CAAP1: variants seen among roughly 807,000 people sequenced by gnomAD.
CAAP1 encodes caspase activity and apoptosis inhibitor 1.
A neutral mutation model predicts 34.0 loss-of-function variants in CAAP1; 20 were observed. The ratio of observed to expected loss-of-function variants is 0.59; its 90% confidence interval spans 0.41 to 0.86. The LOEUF is 0.86. CAAP1 is among the 40% of genes least tolerant of loss of function. The pLI is 0.00. For synonymous variants in CAAP1, 213 were observed against 166.7 expected, an observed-to-expected ratio of 1.28 and a Z score of -2.14; for missense variants, 538 against 450.5, an observed-to-expected ratio of 1.19 and a Z score of -1.76.
chr9:26,887,540 T>A, intron 1 of CAAP1, 27 bp from the exon 2 acceptor site: 1 of 1,300,952 alleles, frequency 7.7e-7, no homozygotes, highest in Non-Finnish European at 1.1e-6. Context: ...AAAGAACCAT[T>A]AAACAATACT....
rs760313096 is a variant in CAAP1 at position 26,892,757 on chromosome 9, T to C, written c.-42A>G. The C allele has an allele frequency of 7.8e-6, 12 of 1,530,278 alleles. No homozygotes were observed. The highest frequency in any genetic ancestry group is 1.0e-5 in the Non-Finnish European group (12 of 1,143,016). The allele number at this position is 1,530,278 out of a possible 1,614,324, so 94.8% of individuals were successfully genotyped here. A position where few individuals can be genotyped will look rare whatever the true frequency, so the allele number is the denominator to read the frequency against. ...CCATCGGAGGAAAGTCCGCTGTCTC[T>C]GGTGCGACCGAAGCCCGACTCCTGC... is the stretch of plus-strand genomic sequence containing the variant. On this transcript the variant is annotated 5_prime_UTR_variant, in exon 1 of 6. Transcript: ENST00000333916.
chr9:26,886,066 C>T, intron 3 of CAAP1, 38 bp downstream of exon 3: 3 of 1,064,536 alleles, frequency 2.8e-6, no homozygotes, highest in Non-Finnish European at 2.7e-6. Flanking sequence ...ATAGTATTAA[C>T]TAAGAAGTTG....
intron 4 of CAAP1, among the ~76,000 whole-genome samples, chr9:26,869,465 T>C (rs1340837998): frequency 2.6e-5 from 4 of 152,190 alleles, no homozygotes; most frequent in African/African-American, 4.8e-5. Flanking sequence ...TAAACCATTG[T>C]TGACATTTCT....
At chr9:26,860,582 G>A (rs1052905072) in intron 5 of CAAP1, among the ~76,000 whole-genome samples, 1 of 152,070 alleles carries the variant, frequency 6.6e-6, no homozygotes. Flanking sequence ...CACAAGGTCA[G>A]GAGATCTAGA....
intron 5 of CAAP1, among the ~76,000 whole-genome samples, chr9:26,847,010 C>G (rs1046112110): frequency 6.6e-6 from 1 of 151,602 alleles, no homozygotes; most frequent in African/African-American, 2.4e-5. Context: ...CTTTTACTCC[C>G]CTTCCCAGAA....
At chr9:26,845,404 C>T (rs1473090715) in intron 5 of CAAP1, among the ~76,000 whole-genome samples, 1 of 152,122 alleles carries the variant, frequency 6.6e-6, no homozygotes, top group African/African-American at 2.4e-5. Context: ...TGAATATTTG[C>T]TTTTTCTGTC....
chr9:26,863,882 C>G (rs938713633), intron 4 of CAAP1, among the ~76,000 whole-genome samples: 1 of 151,892 alleles, frequency 6.6e-6, no homozygotes, highest in East Asian at 1.9e-4. Context: ...GCCTCGACTT[C>G]CTGTGCTCAA....
At chr9:26,883,955 T>C (rs1035673317) in intron 4 of CAAP1, among the ~76,000 whole-genome samples, 2 of 152,182 alleles carry the variant, frequency 1.3e-5, no homozygotes, top group East Asian at 3.8e-4. Flanking sequence ...TCCTACCCAA[T>C]AGCATTTATG....
chr9:26,859,653 T>C (rs1313199311), intron 5 of CAAP1, among the ~76,000 whole-genome samples: 1 of 152,198 alleles, frequency 6.6e-6, no homozygotes, highest in African/African-American at 2.4e-5. Context: ...GATTATATTA[T>C]ATAAAAATAA....
At position 26,878,471 on chromosome 9, in the gene CAAP1, T is replaced by C. The variant is rs143233003; in HGVS notation, c.665+6339A>G. On this transcript the variant is annotated intron_variant, in intron 4 of 5. Transcript: ENST00000333916. Reference sequence around the variant, plus strand: ...GTAAACCACTATACTTTGAGATATCTACTCCCCAGTTTTTTCAGGTTCTCC... The same window carrying C: ...GTAAACCACTATACTTTGAGATATCCACTCCCCAGTTTTTTCAGGTTCTCC... 3.7e-4 allele frequency among the ~76,000 whole-genome samples: 56 copies of C among 152,316 alleles called. 2 individuals are homozygous for C. The East Asian group carries it at 0.011, about 29-fold the overall frequency.
intron 5 of CAAP1, among the ~76,000 whole-genome samples, chr9:26,855,119 T>A (rs972960802): frequency 6.6e-6 from 1 of 152,238 alleles, no homozygotes; most frequent in African/African-American, 2.4e-5. Flanking sequence ...ATGAACAAAC[T>A]GCTGTACATC....
In CAAP1 at chr9:26,842,165, T is replaced by C. The variant is rs1822496392; in HGVS notation, c.*136A>G. 3.2e-6 allele frequency: 2 copies of C among 621,152 alleles called. No individual in the cohort carries two copies. The highest frequency in any genetic ancestry group is 3.7e-5 in the African/African-American group (2 of 53,862). The allele number at this position is 621,152 out of a possible 1,614,324, so 38.5% of individuals were successfully genotyped here. A position where few individuals can be genotyped will look rare whatever the true frequency, so the allele number is the denominator to read the frequency against. ...AAAAATAAAAAGAAACAGCCACAGG[T>C]AATTTAGGGCTAAAATGAGTCCTAA... On this transcript the variant is annotated 3_prime_UTR_variant, in exon 6 of 6. Coordinates refer to ENST00000333916, the MANE Select transcript of CAAP1 (RefSeq NM_024828.4).
At chr9:26,863,881 T>C (rs1424292881) in intron 4 of CAAP1, among the ~76,000 whole-genome samples, 1 of 151,854 alleles carries the variant, frequency 6.6e-6, no homozygotes, top group Non-Finnish European at 1.5e-5. Flanking sequence ...AGCCTCGACT[T>C]CCTGTGCTCA....
At position 26,877,279 on chromosome 9, in the gene CAAP1, T is replaced by C. The variant is rs532702743; in HGVS notation, c.665+7531A>G. Among the ~76,000 whole-genome samples the C allele has an allele frequency of 3.4e-4, 52 of 152,230 alleles. 1 individual carries two copies. The highest frequency in any genetic ancestry group is 6.5e-4 in the Admixed American group (10 of 15,272). ...CAAGATATCAGTATGTATATGCAAATATTCCAAAATCTGAAAAAAAAATCT... is the reference window on the plus strand; with the variant it reads ...CAAGATATCAGTATGTATATGCAAACATTCCAAAATCTGAAAAAAAAATCT... On this transcript the variant is annotated intron_variant, in intron 4 of 5. Transcript: ENST00000333916.
In CAAP1 at chr9:26,892,500, G is replaced by C; in HGVS notation, c.216C>G (p.Ser72Arg). 1 of 1,565,562 alleles carries C rather than the reference G, an allele frequency of 6.4e-7. No homozygotes were observed. Among genetic ancestry groups the C allele is most frequent in the Non-Finnish European group, 8.7e-7 (1 of 1,154,798 alleles). The part of the protein sequence containing the change: ...GSVTGGGSGG[S>R]CWGGSSVERS... ...GCTCCACGCTGCTCCCGCCCCAACA[G>C]CTGCCGCCGCTCCCACCGCCGGTGA... is the stretch of plus-strand genomic sequence containing the variant. The change falls in exon 1 of 6, where the codon AGC (serine) becomes AGG (arginine). Residue 72 changes from serine to arginine, a missense_variant. Around this residue, in one of 3 missense-constraint regions of CAAP1, gnomAD observed 514 missense variants for 408.4 expected, o/e 1.26. Coordinates refer to ENST00000333916, the MANE Select transcript of CAAP1 (RefSeq NM_024828.4).
At chr9:26,885,249 G>T (rs1304295312) in intron 3 of CAAP1, among the ~76,000 whole-genome samples, 1 of 151,542 alleles carries the variant, frequency 6.6e-6, no homozygotes, top group African/African-American at 2.4e-5. Context: ...GCTAATTTTT[G>T]TATTTTTAGT....
At chr9:26,859,795 A>T (rs1822964849) in intron 5 of CAAP1, among the ~76,000 whole-genome samples, 1 of 152,234 alleles carries the variant, frequency 6.6e-6, no homozygotes, top group Admixed American at 6.5e-5. Context: ...AGGTTATCAC[A>T]ACAGGACTTT....
intron 5 of CAAP1, among the ~76,000 whole-genome samples, chr9:26,853,534 C>G (rs147688170): frequency 1.6e-4 from 24 of 152,244 alleles, no homozygotes; most frequent in African/African-American, 5.5e-4. Flanking sequence ...TCCTGGGGCA[C>G]TCATCCTTTA....
chr9:26,874,272 G>A (rs1823366495), intron 4 of CAAP1, among the ~76,000 whole-genome samples: 2 of 150,626 alleles, frequency 1.3e-5, no homozygotes, highest in South Asian at 4.2e-4. Context: ...CTTATTTATG[G>A]AGTATATGTG....
Sources: allele counts gnomAD v4.1 joint callset (sites outside exome capture counted in the v4.1 genomes callset), GRCh38; gene constraint gnomAD v4.1.1; regional missense constraint gnomAD v4.1.1; transcripts MANE v1.5; gene names NCBI Gene and HGNC (gene_info 2026-07-23, HGNC 2026-07-21).